SPAG16: variants seen among roughly 807,000 people sequenced by gnomAD.
SPAG16 encodes sperm associated antigen 16.
A neutral mutation model predicts 80.4 loss-of-function variants in SPAG16; 86 were observed. That is an observed-to-expected ratio of 1.07 (90% CI 0.90 to 1.28). SPAG16 has a LOEUF of 1.28. Ranked by LOEUF, SPAG16 falls within the 50% of genes most tolerant of loss-of-function variation. SPAG16 has a pLI of 0.00. For missense variants in SPAG16, 870 were observed against 765.3 expected (o/e 1.14, Z -1.61); for synonymous variants, 294 against 265.9 (o/e 1.11, Z -1.03).
chr2:214,362,551 G>A (rs943954014), intron 15 of SPAG16, among the ~76,000 whole-genome samples: 3 of 151,682 alleles, frequency 2.0e-5, no homozygotes, highest in African/African-American at 7.3e-5. Flanking sequence ...TGACAATCTC[G>A]CATCCTCTCC....
chr2:213,663,573 G>A (rs2063498762), intron 10 of SPAG16, among the ~76,000 whole-genome samples: 3 of 152,000 alleles, frequency 2.0e-5, no homozygotes, highest in Admixed American at 6.6e-5. Flanking sequence ...ACAGCAATTT[G>A]ATAACGTATA....
intron 9 of SPAG16, among the ~76,000 whole-genome samples, chr2:213,381,210 T>G (rs2067155750): frequency 6.6e-6 from 1 of 152,170 alleles, no homozygotes; most frequent in East Asian, 1.9e-4. Flanking sequence ...TTTCTAATTA[T>G]ATCTGAAAGG....
At chr2:213,456,909 CTAAT>C (rs2072051123) in intron 9 of SPAG16, among the ~76,000 whole-genome samples, 1 of 151,778 alleles carries the variant, frequency 6.6e-6, no homozygotes, top group Admixed American at 6.6e-5. Flanking sequence ...TCTAACATTC[CTAAT>C]TAATTAATGC....
intron 10 of SPAG16, among the ~76,000 whole-genome samples, chr2:213,653,717 A>G (rs550664195): frequency 3.3e-4 from 51 of 152,306 alleles, no homozygotes; most frequent in African/African-American, 1.2e-3. Context: ...AATAGATCCA[A>G]TTCCTCAAAT....
In SPAG16 at chr2:213,489,006, CG is replaced by C. The variant is rs145475865; in HGVS notation, c.943-955del. 9.2e-3 allele frequency among the ~76,000 whole-genome samples: 1,318 copies of C among 143,536 alleles called. 30 individuals are homozygous for C. Among genetic ancestry groups the C allele is most frequent in the African/African-American group, 0.031 (1,229 of 39,840 alleles). 94.2% of individuals were successfully genotyped at this position (143,536 alleles called of 152,430 possible). On this transcript the variant is annotated intron_variant, in intron 9 of 15. Coordinates refer to ENST00000331683, the MANE Select transcript of SPAG16 (RefSeq NM_024532.5). The stretch of plus-strand genomic sequence containing the variant: ...ACGGGAATCGCCTGAATCCGGAAGG[CG>C]GAGGTTGCAGTGAGCCAAGATCCCG...
chr2:213,335,889 CT>C (rs2064333179), intron 5 of SPAG16, among the ~76,000 whole-genome samples: 1 of 151,436 alleles, frequency 6.6e-6, no homozygotes, highest in African/African-American at 2.4e-5. Flanking sequence ...GAGAAAGAAA[CT>C]TAGGGGGTGA....
intron 12 of SPAG16, among the ~76,000 whole-genome samples, chr2:213,966,638 C>T (rs2044723843): frequency 6.6e-6 from 1 of 152,166 alleles, no homozygotes; most frequent in South Asian, 2.1e-4. Flanking sequence ...GCATATTTTC[C>T]AAATCTTCTA....
chr2:213,715,108 A>C (rs2066171460), intron 10 of SPAG16, among the ~76,000 whole-genome samples: 1 of 152,172 alleles, frequency 6.6e-6, no homozygotes, highest in African/African-American at 2.4e-5. Context: ...TTGGAGGAGT[A>C]TAAGAGTGGA....
At chr2:213,761,047 T>C (rs547383860) in intron 10 of SPAG16, among the ~76,000 whole-genome samples, 14 of 152,354 alleles carry the variant, frequency 9.2e-5, no homozygotes, top group African/African-American at 3.4e-4. Context: ...CATTGGAGAT[T>C]AAGTTTTCAA....
intron 9 of SPAG16, among the ~76,000 whole-genome samples, chr2:213,451,962 C>T (rs1373097184): frequency 6.7e-6 from 1 of 150,356 alleles, no homozygotes; most frequent in Non-Finnish European, 1.5e-5. Context: ...CCCACTCCCT[C>T]CCTCCACTCC....
At chr2:213,798,503 C>T (rs1216364610) in intron 10 of SPAG16, among the ~76,000 whole-genome samples, 1 of 152,134 alleles carries the variant, frequency 6.6e-6, no homozygotes, top group African/African-American at 2.4e-5. Flanking sequence ...GATCCTCCCA[C>T]CTTGGCCTCC....
At chr2:213,502,491 C>T (rs1240275857) in intron 10 of SPAG16, among the ~76,000 whole-genome samples, 2 of 152,048 alleles carry the variant, frequency 1.3e-5, no homozygotes, top group Admixed American at 6.6e-5. Context: ...TTTGTTCACC[C>T]TACTATAAAG....
At chr2:213,651,199 C>G (rs1359398407) in intron 10 of SPAG16, among the ~76,000 whole-genome samples, 1 of 152,138 alleles carries the variant, frequency 6.6e-6, no homozygotes, top group African/African-American at 2.4e-5. Flanking sequence ...TGAGTATATA[C>G]AATTATGTGA....
intron 11 of SPAG16, among the ~76,000 whole-genome samples, chr2:213,905,224 C>G (rs986994897): frequency 6.6e-6 from 1 of 152,050 alleles, no homozygotes; most frequent in Non-Finnish European, 1.5e-5. Flanking sequence ...TCATTAAATT[C>G]ATTTATGTCA....
intron 10 of SPAG16, among the ~76,000 whole-genome samples, chr2:213,693,876 G>A (rs749373292): frequency 1.3e-5 from 2 of 152,114 alleles, no homozygotes; most frequent in Non-Finnish European, 1.5e-5. Flanking sequence ...CCTATCTAAA[G>A]GAAGCAGTCA....
chr2:214,117,648 T>A (rs1188019302), intron 14 of SPAG16, among the ~76,000 whole-genome samples: 1 of 152,114 alleles, frequency 6.6e-6, no homozygotes, highest in Non-Finnish European at 1.5e-5. Context: ...ATCGAAAAGA[T>A]CATTCAGCAT....
chr2:213,489,639 A>G (rs972540362), intron 9 of SPAG16, among the ~76,000 whole-genome samples: 13 of 152,138 alleles, frequency 8.5e-5, no homozygotes, highest in Admixed American at 8.5e-4. Flanking sequence ...TGGAAAGCTT[A>G]TTTAAAAAAA....
At chr2:213,356,375 C>G (rs1476419332) in intron 7 of SPAG16, among the ~76,000 whole-genome samples, 1 of 152,180 alleles carries the variant, frequency 6.6e-6, no homozygotes, top group African/African-American at 2.4e-5. Context: ...TCTGTCTGAT[C>G]TTGGACTTTA....
At chr2:213,420,954 A>C (rs2125436088) in intron 9 of SPAG16, among the ~76,000 whole-genome samples, 1 of 152,312 alleles carries the variant, frequency 6.6e-6, no homozygotes, top group South Asian at 2.1e-4. Context: ...GGCTGCTGTG[A>C]AGACAATGGC....
Sources: allele counts gnomAD v4.1 joint callset (sites outside exome capture counted in the v4.1 genomes callset), GRCh38; gene constraint gnomAD v4.1.1; transcripts MANE v1.5; gene names NCBI Gene and HGNC (gene_info 2026-07-23, HGNC 2026-07-21).